Variants in UBE4B observed in about 807,000 individuals in gnomAD.
The protein encoded by UBE4B is ubiquitin conjugation factor E4 B.
UBE4B carries 27 observed loss-of-function variants against 148.1 expected under a neutral mutation model. That is an observed-to-expected ratio of 0.18 (90% CI 0.13 to 0.25). The LOEUF (loss-of-function observed/expected upper bound fraction) is 0.25, where lower values mean the gene tolerates loss of function less well. UBE4B is among the 10% of genes least tolerant of loss of function. The probability of loss-of-function intolerance (pLI) is 1.00; values close to 1 mark genes in which losing one functional copy is unlikely to be tolerated. For synonymous variants in UBE4B, 596 were observed against 619.3 expected, an observed-to-expected ratio of 0.96 and a Z score of 0.56; for missense variants, 1,170 against 1,662.4, an observed-to-expected ratio of 0.70 and a Z score of 5.15.
intron 19 of UBE4B, 147 bp downstream of exon 19, chr1:10,147,237 TC>T: frequency 7.6e-7 from 1 of 1,318,278 alleles, no homozygotes; most frequent in Non-Finnish European, 1.0e-6. Context: ...ACGCCTGTAA[TC>T]CCAGCACTTT....
intron 1 of UBE4B, among the ~76,000 whole-genome samples, chr1:10,068,763 A>G (rs1170207923): frequency 6.6e-6 from 1 of 152,218 alleles, no homozygotes; most frequent in Non-Finnish European, 1.5e-5. Context: ...CTATCCAGAT[A>G]TTCCCAGGGC....
intron 9 of UBE4B, among the ~76,000 whole-genome samples, chr1:10,120,564 G>A (rs1169758610): frequency 6.6e-6 from 1 of 151,740 alleles, no homozygotes; most frequent in African/African-American, 2.4e-5. Flanking sequence ...AAGTTTACAG[G>A]CCAGGCTCAT....
intron 17 of UBE4B, among the ~76,000 whole-genome samples, chr1:10,140,499 C>T (rs890563034): frequency 6.6e-6 from 1 of 152,120 alleles, no homozygotes; most frequent in Non-Finnish European, 1.5e-5. Flanking sequence ...ATGATTTTAT[C>T]AGCTTATAAT....
intron 1 of UBE4B, among the ~76,000 whole-genome samples, chr1:10,036,384 A>G (rs1486370734): frequency 6.6e-6 from 1 of 152,202 alleles, no homozygotes; most frequent in African/African-American, 2.4e-5. Context: ...GGATCAATGT[A>G]AAATTATCTT....
intron 1 of UBE4B, among the ~76,000 whole-genome samples, chr1:10,060,612 T>C (rs1644265857): frequency 6.6e-6 from 1 of 151,980 alleles, no homozygotes; most frequent in East Asian, 1.9e-4. Flanking sequence ...CAAAAGAAAA[T>C]AAAAACCTTT....
At position 10,132,438 on chromosome 1, in the gene UBE4B, A is replaced by G. The variant is rs1645611299; in HGVS notation, c.1981A>G (p.Met661Val). 6.2e-7 allele frequency: 1 copy of G among 1,614,246 alleles called. No individual in the cohort carries two copies. Among genetic ancestry groups the G allele is most frequent in the Non-Finnish European group, 8.5e-7 (1 of 1,180,042 alleles). ...GETREAALSY[M>V]AAVVNANMKK... ...AACCCGTGAGGCTGCTCTCAGTTACATGGCGGCTGTCGTCAATGCCAATAT... is the reference window on the plus strand; with the variant it reads ...AACCCGTGAGGCTGCTCTCAGTTACGTGGCGGCTGTCGTCAATGCCAATAT... The change falls in exon 15 of 28, where the codon ATG becomes GTG. Residue 661 changes from methionine to valine, a missense_variant. Transcript: ENST00000343090.
intron 12 of UBE4B, 146 bp downstream of exon 12, chr1:10,129,594 G>A (rs1645557805): frequency 1.5e-6 from 1 of 669,302 alleles, no homozygotes; most frequent in Non-Finnish European, 2.6e-6. Flanking sequence ...GCTCTCAACT[G>A]TTACATTTTT....
chr1:10,086,923 C>T (rs997204530), intron 2 of UBE4B, among the ~76,000 whole-genome samples: 3 of 152,086 alleles, frequency 2.0e-5, no homozygotes, highest in South Asian at 2.1e-4. Flanking sequence ...CTCCTGATCT[C>T]GGCCTCCCAA....
In UBE4B at chr1:10,111,044, G is replaced by GACACACACAC. The variant is rs55936075; in HGVS notation, c.1196+4501_1196+4510dup. 4.1e-3 allele frequency among the ~76,000 whole-genome samples: 461 copies of GACACACACAC among 113,432 alleles called. 4 individuals carry two copies. Among genetic ancestry groups the GACACACACAC allele is most frequent in the African/African-American group, 8.9e-3 (274 of 30,852 alleles). 74.4% of individuals were successfully genotyped at this position (113,432 alleles called of 152,430 possible). A position where few individuals can be genotyped will look rare whatever the true frequency, so the allele number is the denominator to read the frequency against. On this transcript the variant is annotated intron_variant, in intron 7 of 27. Transcript: ENST00000343090. ...TCTCTCTCTGTCTTTCTCTGTCTCTGACACACACACACACACACACACACA... is the reference window on the plus strand; with the variant it reads ...TCTCTCTCTGTCTTTCTCTGTCTCTGACACACACACACACACACACACACACACACACACA...
chr1:10,161,228 G>A lies in UBE4B; in HGVS notation c.3140G>A (p.Arg1047Gln), dbSNP rs768633616. 1.9e-6 allele frequency: 3 copies of A among 1,614,164 alleles called. No individual in the cohort carries two copies. Among genetic ancestry groups the A allele is most frequent in the Non-Finnish European group, 2.5e-6 (3 of 1,180,028 alleles). Reference sequence around the variant, plus strand: ...GATGAAAGTCTGGAGTCTCTGAAGCGAATCCATGAAGTGCAGGAAGAGATG... The same window carrying A: ...GATGAAAGTCTGGAGTCTCTGAAGCAAATCCATGAAGTGCAGGAAGAGATG... ...LLDESLESLKRIHEVQEEMKN... is the reference protein window; with the variant it reads ...LLDESLESLKQIHEVQEEMKN... Residue 1047 changes from arginine (R) to glutamine (Q), a missense_variant, in exon 23 of 28, where the codon CGA becomes CAA. Coordinates refer to ENST00000343090, the MANE Select transcript of UBE4B (RefSeq NM_001105562.3). The surrounding 1 kb of genome is among the most constrained non-coding windows in gnomAD (Gnocchi z 4.1).
chr1:10,137,008 T>G, intron 16 of UBE4B, 59 bp from the exon 17 acceptor site: 1 of 1,577,566 alleles, frequency 6.3e-7, no homozygotes, highest in South Asian at 1.1e-5. Context: ...GAATTCAGCT[T>G]TTTCTCTGAT....
intron 11 of UBE4B, among the ~76,000 whole-genome samples, chr1:10,127,509 T>C (rs1413491925): frequency 1.3e-5 from 2 of 152,238 alleles, no homozygotes; most frequent in African/African-American, 4.8e-5. Flanking sequence ...CTGTTCTGAA[T>C]TCGCTTATTT....
chr1:10,048,402 T>G (rs942707528), intron 1 of UBE4B, among the ~76,000 whole-genome samples: 1 of 152,182 alleles, frequency 6.6e-6, no homozygotes, highest in Admixed American at 6.6e-5. Flanking sequence ...GATACTAATC[T>G]GGAAGTTGTC....
rs70998351 is a variant in UBE4B, at chr1:10,137,921, C to CT, written c.2363+747dup. Among the ~76,000 whole-genome samples, 614 of 67,036 alleles carry CT rather than the reference C, an allele frequency of 9.2e-3. 108 individuals carry two copies. Among genetic ancestry groups the CT allele is most frequent in the African/African-American group, 0.013 (186 of 14,548 alleles). 44.0% of individuals were successfully genotyped at this position (67,036 alleles called of 152,430 possible). Reference sequence around the variant, plus strand: ...ACCTTGCTTAAATCACTTACTAATTCTTTTTTTTTTTTTTTTTTTTTTTTT... The same window carrying CT: ...ACCTTGCTTAAATCACTTACTAATTCTTTTTTTTTTTTTTTTTTTTTTTTTT... On this transcript the variant is annotated intron_variant, in intron 17 of 27. Coordinates refer to ENST00000343090, the MANE Select transcript of UBE4B (RefSeq NM_001105562.3).
intron 25 of UBE4B, among the ~76,000 whole-genome samples, chr1:10,174,274 A>AT (rs1275095190): frequency 6.6e-6 from 1 of 151,684 alleles, no homozygotes; most frequent in Non-Finnish European, 1.5e-5. Context: ...GGCGGCTGTA[A>AT]TTCCAGCTAC....
chr1:10,075,647 A>C (rs1644564605), intron 2 of UBE4B, among the ~76,000 whole-genome samples: 1 of 152,174 alleles, frequency 6.6e-6, no homozygotes, highest in Admixed American at 6.5e-5. Context: ...ATAATCACAA[A>C]CAGTTGGATA....
rs574969356 is a variant in UBE4B at position 10,078,528 on chromosome 1, A to T, written c.211+6314A>T. On this transcript the variant is annotated intron_variant, in intron 2 of 27. Transcript: ENST00000343090. The stretch of plus-strand genomic sequence containing the variant: ...TCTTAGTTTCTTCCCCTATCTTTAG[A>T]TGATTTGTGATTGCTTAATCTTCAG... Among the ~76,000 whole-genome samples the T allele has an allele frequency of 3.9e-5, 6 of 152,180 alleles. No individual in the cohort carries two copies. In the East Asian group the frequency reaches 1.2e-3, roughly 29 times the overall value.
chr1:10,128,059 C>G (rs1645530487), intron 11 of UBE4B, among the ~76,000 whole-genome samples: 1 of 152,244 alleles, frequency 6.6e-6, no homozygotes, highest in East Asian at 1.9e-4. Context: ...TATTTGAATC[C>G]TTATGTATTG....
Position 10,087,284 on chromosome 1 carries a change from G to C in UBE4B, c.212-8177G>C, listed in dbSNP as rs529134302. Reference sequence around the variant, plus strand: ...ATGATGGAACTGGGTTCCAGTCCTAGTTTCTTTGTAAAATGAACATTTATT... The same window carrying C: ...ATGATGGAACTGGGTTCCAGTCCTACTTTCTTTGTAAAATGAACATTTATT... On this transcript the variant is annotated intron_variant, in intron 2 of 27. Transcript: ENST00000343090. Among the ~76,000 whole-genome samples, 5 of 152,180 alleles carry C rather than the reference G, an allele frequency of 3.3e-5. No individual in the cohort carries two copies. The South Asian group carries it at 1.0e-3, about 32-fold the overall frequency.
Sources: allele counts gnomAD v4.1 joint callset (sites outside exome capture counted in the v4.1 genomes callset), GRCh38; gene constraint gnomAD v4.1.1; non-coding constraint Gnocchi (gnomAD v3.1); transcripts MANE v1.5; gene names NCBI Gene and HGNC (gene_info 2026-07-23, HGNC 2026-07-21).